The following AATK variants were observed in gnomAD, a reference collection of about 807,000 sequenced individuals.
The protein encoded by AATK is serine/threonine-protein kinase LMTK1.
In AATK, 91 loss-of-function variants were observed where a neutral mutation model predicts 114.3. The observed-to-expected ratio is 0.80, with a 90% CI of 0.67 to 0.95. The LOEUF is 0.95. AATK is among the 40% of genes least tolerant of loss of function. The probability of loss-of-function intolerance (pLI) is 0.00; values close to 1 mark genes in which losing one functional copy is unlikely to be tolerated. For synonymous variants in AATK, 1,075 were observed against 916.5 expected (o/e 1.17, Z -3.12); for missense variants, 2,176 against 1,965.2 (o/e 1.11, Z -2.03).
rs2060645935 is a variant in AATK, at chr17:81,119,252, G to GGGAAGGAGCGGGGCCA, written c.4084+127_4084+128insTGGCCCCGCTCCTTCC. 4 of 1,004,124 alleles carry GGGAAGGAGCGGGGCCA rather than the reference G, an allele frequency of 4.0e-6. No homozygotes were observed. In the South Asian group the frequency reaches 7.6e-5, roughly 19 times the overall value. 62.2% of individuals were successfully genotyped at this position (1,004,124 alleles called of 1,614,324 possible). ...TCTGGGGCCGGGAAGGAGCGGGGCC[G>GGGAAGGAGCGGGGCCA]GGAAGGAGCGGAGCGGAGCGGAGCC... On this transcript the variant is annotated intron_variant, in intron 13 of 13. Transcript: ENST00000326724.
chr17:81,129,174 A>G (rs536186390), intron 3 of AATK, among the ~76,000 whole-genome samples: 186 of 152,324 alleles, frequency 1.2e-3, no homozygotes, highest in Admixed American at 2.2e-3. Context: ...TCCCACGTCA[A>G]CTGCCCAGAG....
chr17:81,133,287 A>G, intron 2 of AATK: 1 of 457,962 alleles, frequency 2.2e-6, no homozygotes, highest in Non-Finnish European at 4.5e-6. Context: ...CAGCACCGTC[A>G]CCTGCCAGGC....
In AATK at chr17:81,162,112, G is replaced by A. The variant is rs575521334; in HGVS notation, c.55+3826C>T. On this transcript the variant is annotated intron_variant, in intron 1 of 13. Coordinates refer to ENST00000326724, the MANE Select transcript of AATK (RefSeq NM_001080395.3). ...GAGTGCCGACACCCACACCCTCCCC[G>A]AGTGCCCGCACCCATGCTGGTAGGT... Among the ~76,000 whole-genome samples, 7 of 151,722 alleles carry A rather than the reference G, an allele frequency of 4.6e-5. No individual in the cohort carries two copies. The South Asian group carries it at 6.3e-4, about 14-fold the overall frequency.
Position 81,120,362 on chromosome 17 carries a change from G to A in AATK, c.3574C>T (p.Pro1192Ser), listed in dbSNP as rs55856613. The A allele has an allele frequency of 0.014, 21,834 of 1,609,736 alleles. 190 individuals are homozygous for A. Among genetic ancestry groups the A allele is most frequent in the Non-Finnish European group, 0.016 (18,888 of 1,178,946 alleles). ...EPSEDSEEEA[P>S]AVPVVVAESQ... ...TCAGCCACCACCACGGGCACCGCCG[G>A]CGCCTCCTCTTCGCTGTCCTCGCTA... Residue 1192 changes from proline to serine, a missense_variant, in exon 11 of 14, where the codon CCG becomes TCG. Physicochemically the swap from Pro to Ser is moderately conservative, Grantham distance 74. Coordinates refer to ENST00000326724, the MANE Select transcript of AATK (RefSeq NM_001080395.3).
At chr17:81,154,973 G>A (rs529243922) in intron 1 of AATK, among the ~76,000 whole-genome samples, 54 of 152,268 alleles carry the variant, frequency 3.5e-4, no homozygotes, top group African/African-American at 1.2e-3. Context: ...CTTACAGCTC[G>A]CTGTGCTCTG....
rs1208949713 is a variant in AATK at position 81,118,288 on chromosome 17, TCTG to T, written c.*111_*113del. Reference sequence around the variant, plus strand: ...ACCGCGTGGGGCAGAGGCACCTGAATCTGCTGCCAACAGCCACCAGGACGTGGT... The same window carrying T: ...ACCGCGTGGGGCAGAGGCACCTGAATCTGCCAACAGCCACCAGGACGTGGT... On this transcript the variant is annotated 3_prime_UTR_variant, in exon 14 of 14. Transcript: ENST00000326724. The T allele has an allele frequency of 2.5e-5, 28 of 1,138,740 alleles. No individual in the cohort carries two copies. Among genetic ancestry groups the T allele is most frequent in the Non-Finnish European group, 3.5e-5 (28 of 791,780 alleles). 70.5% of individuals were successfully genotyped at this position (1,138,740 alleles called of 1,614,324 possible).
chr17:81,153,827 T>G (rs1413898871), intron 1 of AATK, among the ~76,000 whole-genome samples: 3 of 152,034 alleles, frequency 2.0e-5, no homozygotes, highest in Admixed American at 6.5e-5. Context: ...TCCCAGCACT[T>G]TGGGAGGCTG....
intron 1 of AATK, among the ~76,000 whole-genome samples, chr17:81,150,523 G>A (rs1237995320): frequency 6.6e-6 from 1 of 151,620 alleles, no homozygotes; most frequent in Non-Finnish European, 1.5e-5. Context: ...CCTCTGGGAA[G>A]CCGCCCAGAT....
intron 1 of AATK, among the ~76,000 whole-genome samples, chr17:81,157,779 G>A (rs989205425): frequency 1.3e-5 from 2 of 152,230 alleles, no homozygotes; most frequent in Non-Finnish European, 2.9e-5. Flanking sequence ...CCCTGACAGT[G>A]GAGAAGCCTC....
At chr17:81,133,352 C>G (rs1053165090) in intron 2 of AATK, 3 of 370,596 alleles carry the variant, frequency 8.1e-6, no homozygotes, top group African/African-American at 4.3e-5. Context: ...TCATGACATA[C>G]CAGGGGCAGG....
At chr17:81,123,043 G>C in intron 10 of AATK, 151 bp downstream of exon 10, 1 of 963,586 alleles carries the variant, frequency 1.0e-6, no homozygotes, top group Non-Finnish European at 1.4e-6. Flanking sequence ...GTACACAGGG[G>C]TGCAGAGGTG....
At chr17:81,144,054 C>T (rs1423075720) in intron 1 of AATK, among the ~76,000 whole-genome samples, 2 of 152,174 alleles carry the variant, frequency 1.3e-5, no homozygotes, top group East Asian at 3.9e-4. Context: ...TAAGGTGTGG[C>T]TCTCTGCCCC....
At chr17:81,119,079 G>A (rs956663418) in intron 13 of AATK, among the ~76,000 whole-genome samples, 3 of 152,196 alleles carry the variant, frequency 2.0e-5, no homozygotes, top group Non-Finnish European at 4.4e-5. Context: ...GAGAGGGCCT[G>A]CCGCAGGTCT....
Position 81,120,834 on chromosome 17 carries a change from AGACG to A in AATK, c.3098_3101del (p.Pro1033LeufsTer70). ...CCCCAGGCCTGAGACAGACCTGCTC[AGACG>A]GCTGCCCAGTGCTCGGCAGGCCCAG... On this transcript the variant is annotated frameshift_variant, in exon 11 of 14. Transcript: ENST00000326724. LOFTEE classifies it high-confidence loss of function. 1.3e-6 allele frequency: 2 copies of A among 1,578,748 alleles called. No homozygotes were observed. The highest frequency in any genetic ancestry group is 1.7e-6 in the Non-Finnish European group (2 of 1,162,714).
intron 2 of AATK, chr17:81,132,051 G>T: frequency 7.7e-7 from 1 of 1,296,544 alleles, no homozygotes; most frequent in Non-Finnish European, 1.0e-6. Flanking sequence ...TGTAGAGGCT[G>T]CACCTGTATA....
In AATK at chr17:81,122,439, G is replaced by C. The variant is rs1030329205; in HGVS notation, c.1497C>G (p.Thr499=). 6 of 1,452,194 alleles carry C rather than the reference G, an allele frequency of 4.1e-6. No individual in the cohort carries two copies. Among genetic ancestry groups the C allele is most frequent in the Non-Finnish European group, 5.4e-6 (6 of 1,102,578 alleles). The allele number at this position is 1,452,194 out of a possible 1,614,324, so 90.0% of individuals were successfully genotyped here. The change falls in exon 11 of 14, where the codon ACC becomes ACG. Residue 499 remains threonine (T), a synonymous_variant. Transcript: ENST00000326724. ...GGGCGCACAGCTCCTGCAGGCGTGC[G>C]GTGCGGCCAGGGCTCAGCGTGGCCG... The part of the protein sequence containing the change: ...AFPATLSPGR[T]ARLQELCAPD...
At chr17:81,138,081 T>A (rs1000979916) in intron 1 of AATK, among the ~76,000 whole-genome samples, 1 of 138,634 alleles carries the variant, frequency 7.2e-6, no homozygotes, top group Non-Finnish European at 1.5e-5. Flanking sequence ...GACCCACACC[T>A]GTGTGCACAC....
At chr17:81,123,480 G>GC (rs1337682604) in intron 9 of AATK, 137 bp from the exon 10 acceptor site, 3 of 759,486 alleles carry the variant, frequency 4.0e-6, no homozygotes, top group Non-Finnish European at 5.5e-6. Context: ...TACCATACCA[G>GC]CCGCCCCTCC....
chr17:81,149,939 G>A (rs1318751840), intron 1 of AATK, among the ~76,000 whole-genome samples: 5 of 152,148 alleles, frequency 3.3e-5, no homozygotes, highest in Non-Finnish European at 7.4e-5. Context: ...TGACCCATGA[G>A]GAGGGCCATG....
Sources: allele counts gnomAD v4.1 joint callset (sites outside exome capture counted in the v4.1 genomes callset), GRCh38; gene constraint gnomAD v4.1.1; transcripts MANE v1.5; gene names NCBI Gene and HGNC (gene_info 2026-07-23, HGNC 2026-07-21).